The following CCDC93 variants were observed in gnomAD, a reference collection of about 807,000 sequenced individuals.
The protein encoded by CCDC93 is coiled-coil domain-containing protein 93.
Under a neutral mutation model 108.2 loss-of-function variants are expected in CCDC93, and 61 were observed. The observed-to-expected ratio is 0.56, with a 90% CI of 0.46 to 0.70. CCDC93 has a LOEUF of 0.70. Ranked by LOEUF, CCDC93 falls within the 30% of genes least tolerant of loss-of-function variation. CCDC93 has a pLI of 0.00. For synonymous variants in CCDC93, 276 were observed against 260.4 expected (o/e 1.06, Z -0.58); for missense variants, 685 against 764.2 (o/e 0.90, Z 1.22).
At chr2:117,929,619 T>C (rs1359502825) in intron 23 of CCDC93, among the ~76,000 whole-genome samples, 1 of 152,252 alleles carries the variant, frequency 6.6e-6, no homozygotes, top group Non-Finnish European at 1.5e-5. Context: ...CAAGCAGCAT[T>C]TGAGATGCAG....
intron 12 of CCDC93, among the ~76,000 whole-genome samples, chr2:117,954,346 CAA>C (rs1053859010): frequency 7.2e-5 from 11 of 152,210 alleles, no homozygotes; most frequent in African/African-American, 2.7e-4. Flanking sequence ...CCTTCACCAA[CAA>C]AGACTTACCC....
intron 11 of CCDC93, among the ~76,000 whole-genome samples, chr2:117,972,809 A>G (rs999349391): frequency 6.6e-6 from 1 of 152,178 alleles, no homozygotes; most frequent in Non-Finnish European, 1.5e-5. Flanking sequence ...TTTCTGGTCA[A>G]ATTTCAGATG....
chr2:117,971,752 T>C (rs1012680772), intron 11 of CCDC93, among the ~76,000 whole-genome samples: 1 of 152,216 alleles, frequency 6.6e-6, no homozygotes, highest in Non-Finnish European at 1.5e-5. Context: ...CTACCTCTTT[T>C]AGACATATAT....
chr2:117,982,978 T>A (rs531152892), intron 7 of CCDC93, among the ~76,000 whole-genome samples: 2 of 152,214 alleles, frequency 1.3e-5, no homozygotes, highest in African/African-American at 4.8e-5. Context: ...CACCCTAATA[T>A]GCTGAATAAC....
At position 117,941,254 on chromosome 2, in the gene CCDC93, T is replaced by A. The variant is rs1220113033; in HGVS notation, c.1457A>T (p.Asp486Val). 4 of 1,613,978 alleles carry A rather than the reference T, an allele frequency of 2.5e-6. No homozygotes were observed. The highest frequency in any genetic ancestry group is 3.4e-6 in the Non-Finnish European group (4 of 1,179,968). ...TAGCTCGGCACGGCTAGGGACTTCA[T>A]CAATCTTGCGGTGCAAAATTGCTAT... ...REIAILHRKI[D>V]EVPSRAELIQ... is the part of the protein sequence containing the mutation. Residue 486 changes from aspartate (D) to valine (V), a missense_variant, in exon 19 of 24, where the codon GAT (aspartate) becomes GTT (valine). Transcript: ENST00000376300.
intron 11 of CCDC93, among the ~76,000 whole-genome samples, chr2:117,965,447 G>A (rs190301510): frequency 6.6e-6 from 1 of 152,146 alleles, no homozygotes; most frequent in East Asian, 1.9e-4. Flanking sequence ...ATGTCCCTGG[G>A]GTGTGGTATC....
intron 6 of CCDC93, among the ~76,000 whole-genome samples, chr2:117,991,007 C>T (rs1258631560): frequency 6.6e-6 from 1 of 150,648 alleles, no homozygotes; most frequent in Non-Finnish European, 1.5e-5. Flanking sequence ...ACTTTGAAAA[C>T]AAAAAATCAT....
At chr2:117,953,566 G>A (rs776879231) in intron 12 of CCDC93, among the ~76,000 whole-genome samples, 11 of 152,210 alleles carry the variant, frequency 7.2e-5, no homozygotes, top group South Asian at 6.2e-4. Context: ...GTTAGTGTCT[G>A]CCCCAAATTT....
intron 1 of CCDC93, among the ~76,000 whole-genome samples, chr2:118,011,251 A>G (rs940532594): frequency 6.6e-6 from 1 of 152,222 alleles, no homozygotes; most frequent in Non-Finnish European, 1.5e-5. Flanking sequence ...GGGAGTATAC[A>G]TATTAAAATA....
At chr2:117,962,181 A>G (rs975387607) in intron 11 of CCDC93, among the ~76,000 whole-genome samples, 1 of 152,244 alleles carries the variant, frequency 6.6e-6, no homozygotes, top group Non-Finnish European at 1.5e-5. Flanking sequence ...CCAAAAGGTT[A>G]TTTACACATC....
chr2:117,926,987 T>C (rs1678131958), intron 23 of CCDC93, among the ~76,000 whole-genome samples: 1 of 152,092 alleles, frequency 6.6e-6, no homozygotes, highest in African/African-American at 2.4e-5. Flanking sequence ...ATAAACATAA[T>C]CCAGCATATA....
At chr2:118,008,264 C>A (rs952758287) in intron 2 of CCDC93, among the ~76,000 whole-genome samples, 16 of 152,152 alleles carry the variant, frequency 1.1e-4, no homozygotes, top group Non-Finnish European at 1.6e-4. Context: ...TTTATAATCC[C>A]CACCCAAACT....
At chr2:117,974,303 C>G (rs1434530809) in intron 10 of CCDC93, among the ~76,000 whole-genome samples, 1 of 152,118 alleles carries the variant, frequency 6.6e-6, no homozygotes, top group Non-Finnish European at 1.5e-5. Flanking sequence ...AGTCACCAAA[C>G]AGAGCCTGCA....
intron 4 of CCDC93, chr2:117,997,284 GCT>G (rs1363308696): frequency 2.0e-5 from 3 of 152,146 alleles, no homozygotes; most frequent in Non-Finnish European, 4.4e-5. Context: ...AGATCCACCC[GCT>G]CTGAGGGTAA....
chr2:117,931,229 G>C, intron 22 of CCDC93, 79 bp from the exon 23 acceptor site: 3 of 862,174 alleles, frequency 3.5e-6, no homozygotes, highest in Non-Finnish European at 5.7e-6. Context: ...AAAGGCAACA[G>C]TTGTTAACAG....
chr2:117,975,501 T>C (rs572624221), intron 8 of CCDC93, among the ~76,000 whole-genome samples: 5 of 152,344 alleles, frequency 3.3e-5, no homozygotes, highest in South Asian at 2.1e-4. Context: ...ATGTCCCAGC[T>C]GCTCACTGAT....
chr2:117,989,660 G>C (rs562183553), intron 6 of CCDC93, among the ~76,000 whole-genome samples: 1 of 152,266 alleles, frequency 6.6e-6, no homozygotes, highest in East Asian at 1.9e-4. Flanking sequence ...TCTCTGACTT[G>C]AGGCAAGTTA....
At chr2:117,992,150 C>T (rs781081710) in intron 6 of CCDC93, among the ~76,000 whole-genome samples, 1 of 152,120 alleles carries the variant, frequency 6.6e-6, no homozygotes, top group Non-Finnish European at 1.5e-5. Context: ...AAATGTATTG[C>T]CAATCAACTG....
At chr2:117,966,089 A>G (rs1374629409) in intron 11 of CCDC93, among the ~76,000 whole-genome samples, 1 of 152,182 alleles carries the variant, frequency 6.6e-6, no homozygotes, top group African/African-American at 2.4e-5. Flanking sequence ...TGTTGAATAA[A>G]TTTCCTGAGG....
Sources: allele counts gnomAD v4.1 joint callset (sites outside exome capture counted in the v4.1 genomes callset), GRCh38; gene constraint gnomAD v4.1.1; transcripts MANE v1.5; gene names NCBI Gene and HGNC (gene_info 2026-07-23, HGNC 2026-07-21).